Variants in ANKS1B observed in about 807,000 individuals in gnomAD.
ANKS1B encodes ankyrin repeat and sterile alpha motif domain-containing protein 1B.
Under a neutral mutation model 148.3 loss-of-function variants are expected in ANKS1B, and 36 were observed. The observed-to-expected ratio is 0.24, with a 90% CI of 0.19 to 0.32. ANKS1B has a LOEUF of 0.32. Ranked by LOEUF, ANKS1B falls within the 10% of genes least tolerant of loss-of-function variation. ANKS1B has a pLI of 1.00. For missense variants in ANKS1B, 1,157 were observed against 1,542.6 expected, an observed-to-expected ratio of 0.75 and a Z score of 4.19; for synonymous variants, 542 against 560.8, an observed-to-expected ratio of 0.97 and a Z score of 0.47.
chr12:99,347,178 C>G (rs1426370348), intron 12 of ANKS1B, among the ~76,000 whole-genome samples: 2 of 151,982 alleles, frequency 1.3e-5, no homozygotes, highest in African/African-American at 2.4e-5. Flanking sequence ...GCTGCACAGA[C>G]AGCATCTATA....
intron 1 of ANKS1B, among the ~76,000 whole-genome samples, chr12:99,875,051 G>C (rs535292110): frequency 6.6e-6 from 1 of 152,214 alleles, no homozygotes; most frequent in South Asian, 2.1e-4. Context: ...GTAGACAGAG[G>C]GGGAGAGAGG....
intron 12 of ANKS1B, among the ~76,000 whole-genome samples, chr12:99,277,431 T>C (rs986974885): frequency 2.0e-5 from 3 of 152,176 alleles, no homozygotes; most frequent in African/African-American, 7.2e-5. Context: ...CAAGGAAATA[T>C]TGATTTTACC....
intron 1 of ANKS1B, among the ~76,000 whole-genome samples, chr12:99,925,900 G>T (rs1415405154): frequency 6.6e-6 from 1 of 152,126 alleles, no homozygotes; most frequent in African/African-American, 2.4e-5. Context: ...CATTTGAACA[G>T]ATTTTTTATC....
At chr12:99,404,331 T>A (rs1367215606) in intron 11 of ANKS1B, among the ~76,000 whole-genome samples, 1 of 145,500 alleles carries the variant, frequency 6.9e-6, no homozygotes, top group Non-Finnish European at 1.5e-5. Context: ...AGAAGTTACA[T>A]AAAAAATTTA....
intron 9 of ANKS1B, among the ~76,000 whole-genome samples, chr12:99,509,545 T>C (rs961675416): frequency 2.6e-5 from 4 of 151,870 alleles, no homozygotes; most frequent in Non-Finnish European, 5.9e-5. Context: ...AGAGCAAGAC[T>C]CTAATTCTCT....
intron 12 of ANKS1B, among the ~76,000 whole-genome samples, chr12:99,292,739 C>T (rs1487974608): frequency 1.3e-5 from 2 of 152,140 alleles, no homozygotes; most frequent in Non-Finnish European, 2.9e-5. Context: ...AGCCAACAGA[C>T]ACAAGGAAAA....
intron 11 of ANKS1B, among the ~76,000 whole-genome samples, chr12:99,406,218 A>T (rs960788852): frequency 6.9e-6 from 1 of 145,314 alleles, no homozygotes; most frequent in African/African-American, 2.6e-5. Flanking sequence ...TACAGAATAT[A>T]CATTCTTCTC....
intron 1 of ANKS1B, among the ~76,000 whole-genome samples, chr12:99,951,703 T>C (rs1475315624): frequency 1.4e-5 from 2 of 141,396 alleles, no homozygotes. Context: ...AGCAAGACCT[T>C]GCCTCTACCG....
intron 17 of ANKS1B, among the ~76,000 whole-genome samples, chr12:98,903,949 C>A (rs1326231671): frequency 6.6e-6 from 1 of 152,004 alleles, no homozygotes; most frequent in Non-Finnish European, 1.5e-5. Context: ...GTTTCTGAAA[C>A]CTTTGTAATT....
intron 9 of ANKS1B, among the ~76,000 whole-genome samples, chr12:99,528,892 G>A (rs1438421946): frequency 2.0e-5 from 3 of 152,052 alleles, no homozygotes; most frequent in Admixed American, 6.6e-5. Context: ...TTAACACTGG[G>A]AAATGAGATC....
intron 12 of ANKS1B, among the ~76,000 whole-genome samples, chr12:99,272,670 C>T (rs1237114734): frequency 6.6e-6 from 1 of 152,128 alleles, no homozygotes; most frequent in Non-Finnish European, 1.5e-5. Context: ...TAAGTAATTT[C>T]CTTTGCTTCA....
At chr12:99,279,839 C>T (rs2078164431) in intron 12 of ANKS1B, among the ~76,000 whole-genome samples, 1 of 151,788 alleles carries the variant, frequency 6.6e-6, no homozygotes, top group African/African-American at 2.4e-5. Context: ...CATGGTGAAA[C>T]CCCATCTCTA....
chr12:99,006,499 T>C (rs1480528502), intron 17 of ANKS1B, among the ~76,000 whole-genome samples: 2 of 152,176 alleles, frequency 1.3e-5, no homozygotes, highest in Admixed American at 6.5e-5. Flanking sequence ...ACCTATCTTA[T>C]GTGGACTGTG....
chr12:99,462,267 G>C (rs893754742), intron 10 of ANKS1B, among the ~76,000 whole-genome samples: 1 of 152,188 alleles, frequency 6.6e-6, no homozygotes. Flanking sequence ...ACTGACCCAA[G>C]GCCATGCCCC....
chr12:99,934,181 T>C (rs2094697563), intron 1 of ANKS1B, among the ~76,000 whole-genome samples: 6 of 152,182 alleles, frequency 3.9e-5, no homozygotes, highest in Admixed American at 3.9e-4. Flanking sequence ...GCTAGTGTTT[T>C]GTTGAGGATT....
chr12:99,331,338 T>TAA (rs2087512778), intron 12 of ANKS1B, among the ~76,000 whole-genome samples: 1 of 151,956 alleles, frequency 6.6e-6, no homozygotes, highest in Admixed American at 6.6e-5. Flanking sequence ...AAATTCACCT[T>TAA]AAAATGGCAT....
intron 8 of ANKS1B, among the ~76,000 whole-genome samples, chr12:99,672,906 A>G (rs1233226311): frequency 6.6e-6 from 1 of 152,174 alleles, no homozygotes; most frequent in Non-Finnish European, 1.5e-5. Flanking sequence ...CCAAAGACAC[A>G]ATAAAACTGG....
intron 17 of ANKS1B, among the ~76,000 whole-genome samples, chr12:98,978,307 G>A (rs2099901412): frequency 6.6e-6 from 1 of 151,844 alleles, no homozygotes; most frequent in South Asian, 2.1e-4. Context: ...TGGTTTATTA[G>A]TTATACCTCC....
At chr12:98,824,843 T>C (rs538098865) in intron 19 of ANKS1B, among the ~76,000 whole-genome samples, 1 of 152,178 alleles carries the variant, frequency 6.6e-6, no homozygotes, top group Non-Finnish European at 1.5e-5. Flanking sequence ...ACCAGTGCAG[T>C]TTTGCATTTA....
Sources: gnomAD v4.1 joint callset for allele counts (sites outside exome capture counted in the v4.1 genomes callset) on GRCh38, gnomAD v4.1.1 for gene constraint, MANE v1.5 for transcripts, NCBI Gene and HGNC (gene_info 2026-07-23, HGNC 2026-07-21) for gene names.